SLC44A1: variants seen among roughly 807,000 people sequenced by gnomAD.
SLC44A1 encodes choline transporter-like protein 1.
SLC44A1 carries 26 observed loss-of-function variants against 79.3 expected under a neutral mutation model. The ratio of observed to expected loss-of-function variants is 0.33; its 90% CI spans 0.24 to 0.46. The LOEUF (loss-of-function observed/expected upper bound fraction) is 0.46. SLC44A1 is among the 20% of genes least tolerant of loss of function. The pLI is 1.00. For synonymous variants in SLC44A1, 263 were observed against 286.2 expected (o/e 0.92, Z 0.82); for missense variants, 688 against 798.1 (o/e 0.86, Z 1.66).
At chr9:105,294,867 CTGTGTGTGTGTGTGTGTGTGTGTGTG>C (rs58548571) in intron 1 of SLC44A1, 3 of 130,798 alleles carry the variant, frequency 2.3e-5, no homozygotes, top group African/African-American at 5.7e-5. Context: ...AATTTTGAGT[CTGTGTGTGTGTGTGTGTGTGTGTGTG>C]TGTGTGTGTG....
chr9:105,301,129 A>G (rs1416365066), intron 2 of SLC44A1, among the ~76,000 whole-genome samples: 3 of 152,136 alleles, frequency 2.0e-5, no homozygotes, highest in Non-Finnish European at 2.9e-5. Context: ...CCTGAATGTA[A>G]CCCTGGGACA....
At chr9:105,425,652 G>A (rs543308885) in intron 15 of SLC44A1, among the ~76,000 whole-genome samples, 63 of 152,108 alleles carry the variant, frequency 4.1e-4, no homozygotes, top group African/African-American at 1.4e-3. Flanking sequence ...GTGAAACCCC[G>A]TCTCTACTAA....
intron 1 of SLC44A1, among the ~76,000 whole-genome samples, chr9:105,276,612 G>GTGTGTA (rs1228973973): frequency 5.6e-5 from 8 of 142,576 alleles, no homozygotes; most frequent in African/African-American, 8.5e-5. Flanking sequence ...GTGTGTGTGT[G>GTGTGTA]TGTGTGTATG....
Position 105,392,533 on chromosome 9 carries a change from A to C in SLC44A1, c.*3477A>C. On this transcript the variant is annotated 3_prime_UTR_variant, in exon 16 of 16. Transcript: ENST00000374720. ...CTTCCCTGGGCAGTTTTAGGATTTC[A>C]CCCTAGTAGGGGGTATGAGGCACTG... 3 of 982,286 alleles carry C rather than the reference A, an allele frequency of 3.1e-6. No individual in the cohort carries two copies. The highest frequency in any genetic ancestry group is 3.6e-6 in the Non-Finnish European group (3 of 829,510). 60.8% of individuals were successfully genotyped at this position (982,286 alleles called of 1,614,324 possible). A position where few individuals can be genotyped will look rare whatever the true frequency, so the allele number is the denominator to read the frequency against.
At position 105,263,537 on chromosome 9, in the gene SLC44A1, ATTTT is replaced by A. The variant is rs1167076279; in HGVS notation, c.36+18646_36+18649del. On this transcript the variant is annotated intron_variant, in intron 1 of 15. Coordinates refer to ENST00000374720, the MANE Select transcript of SLC44A1 (RefSeq NM_080546.5). ...ATTTTTATCAGTTACACATGTGTGT[ATTTT>A]TTTTTTTTTTTTGAGATGGAATTTC... Among the ~76,000 whole-genome samples the A allele has an allele frequency of 3.2e-3, 438 of 135,966 alleles. 1 individual carries two copies. The highest frequency in any genetic ancestry group is 0.011 in the African/African-American group (401 of 36,432). The allele number at this position is 135,966 out of a possible 152,430, so 89.2% of individuals were successfully genotyped here. A position where few individuals can be genotyped will look rare whatever the true frequency, so the allele number is the denominator to read the frequency against.
At chr9:105,294,867 CTGTGTGTGTGTGTGTG>C (rs58548571) in intron 1 of SLC44A1, 27 of 130,912 alleles carry the variant, frequency 2.1e-4, no homozygotes, top group African/African-American at 6.0e-4. Flanking sequence ...AATTTTGAGT[CTGTGTGTGTGTGTGTG>C]TGTGTGTGTG....
chr9:105,332,739 C>T (rs1018000473), intron 3 of SLC44A1, among the ~76,000 whole-genome samples: 15 of 151,888 alleles, frequency 9.9e-5, no homozygotes, highest in Non-Finnish European at 1.8e-4. Context: ...AAATGAAAAC[C>T]GAATGTTAGT....
chr9:105,354,649 A>AT (rs1480202282), intron 5 of SLC44A1, among the ~76,000 whole-genome samples: 1 of 152,194 alleles, frequency 6.6e-6, no homozygotes, highest in Admixed American at 6.5e-5. Context: ...TTATGTCATC[A>AT]TTTTTTGATA....
At chr9:105,356,403 A>T in intron 6 of SLC44A1, 22 bp downstream of exon 6, 2 of 1,523,462 alleles carry the variant, frequency 1.3e-6, no homozygotes, top group Non-Finnish European at 1.8e-6. Flanking sequence ...TCTCATTATT[A>T]GCTATTGCAT....
At chr9:105,356,058 CAT>C in intron 5 of SLC44A1, 152 bp from the exon 6 acceptor site, 1 of 629,406 alleles carries the variant, frequency 1.6e-6, no homozygotes, top group Non-Finnish European at 2.8e-6. Flanking sequence ...CAGTCATCCT[CAT>C]AGCATTAAGC....
intron 1 of SLC44A1, among the ~76,000 whole-genome samples, chr9:105,276,565 C>CGTGTGTGTGT (rs60259632): frequency 0.025 from 2,997 of 118,922 alleles, 183 homozygotes; most frequent in East Asian, 0.04. Flanking sequence ...GATGGGGAGC[C>CGTGTGTGTGT]GTGTGTGTGT....
intron 4 of SLC44A1, among the ~76,000 whole-genome samples, chr9:105,344,687 A>G: frequency 6.6e-6 from 1 of 152,182 alleles, no homozygotes; most frequent in Non-Finnish European, 1.5e-5. Flanking sequence ...AAGGCTTTGG[A>G]TGACATCTAT....
chr9:105,364,681 T>C lies in SLC44A1; in HGVS notation c.1214T>C (p.Met405Thr), dbSNP rs1410894805. Residue 405 changes from methionine (M) to threonine (T), a missense_variant, in exon 10 of 16, where the codon ATG becomes ACG. By Grantham distance (81) the Met-to-Thr change is moderately conservative. Coordinates refer to ENST00000374720, the MANE Select transcript of SLC44A1 (RefSeq NM_080546.5). ...ISEFILACQQMTVAGAVVTYY... is the reference protein window; with the variant it reads ...ISEFILACQQTTVAGAVVTYY... ...GAATTTATTCTAGCATGTCAGCAGA[T>C]GACAGTGGCAGGAGCTGTGGTAACA... is the stretch of plus-strand genomic sequence containing the variant. The C allele has an allele frequency of 6.2e-7, 1 of 1,613,974 alleles. No individual in the cohort carries two copies. The highest frequency in any genetic ancestry group is 8.5e-7 in the Non-Finnish European group (1 of 1,179,990).
chr9:105,421,268 C>T (rs556583455), intron 15 of SLC44A1, among the ~76,000 whole-genome samples: 51 of 152,308 alleles, frequency 3.3e-4, no homozygotes, highest in African/African-American at 1.2e-3. Flanking sequence ...TTACTGAACA[C>T]TTTTTCTCCT....
chr9:105,287,151 A>T (rs889974354), intron 1 of SLC44A1, among the ~76,000 whole-genome samples: 1 of 152,176 alleles, frequency 6.6e-6, no homozygotes, highest in South Asian at 2.1e-4. Context: ...AGTTTGGTTG[A>T]TTACAGGTTT....
At chr9:105,303,323 A>G (rs1830930668) in intron 2 of SLC44A1, among the ~76,000 whole-genome samples, 1 of 152,006 alleles carries the variant, frequency 6.6e-6, no homozygotes, top group Admixed American at 6.6e-5. Flanking sequence ...AAGGAGAGGT[A>G]TTTGTCAGAA....
At chr9:105,369,204 AC>A (rs765863391) in intron 12 of SLC44A1, among the ~76,000 whole-genome samples, 7 of 152,158 alleles carry the variant, frequency 4.6e-5, no homozygotes, top group Non-Finnish European at 7.4e-5. Flanking sequence ...AAAATACCAT[AC>A]ACTAGGTGGC....
intron 1 of SLC44A1, among the ~76,000 whole-genome samples, chr9:105,253,312 G>C (rs1829631080): frequency 6.6e-6 from 1 of 152,160 alleles, no homozygotes; most frequent in African/African-American, 2.4e-5. Flanking sequence ...ATTACTTCAA[G>C]ATATTTAAGT....
chr9:105,418,368 A>G (rs1386549424), intron 15 of SLC44A1, among the ~76,000 whole-genome samples: 1 of 151,906 alleles, frequency 6.6e-6, no homozygotes, highest in African/African-American at 2.4e-5. Flanking sequence ...GAAGTAAATA[A>G]TTTTTAAAAG....
Sources: allele counts gnomAD v4.1 joint callset (sites outside exome capture counted in the v4.1 genomes callset), GRCh38; gene constraint gnomAD v4.1.1; transcripts MANE v1.5; gene names NCBI Gene and HGNC (gene_info 2026-07-23, HGNC 2026-07-21).